Variants in RPH3AL observed in about 807,000 individuals in gnomAD.
The protein encoded by RPH3AL is rabphilin 3A like (without C2 domains), also known as rab effector Noc2.
Under a neutral mutation model 43.1 loss-of-function variants are expected in RPH3AL, and 38 were observed. The observed-to-expected ratio is 0.88, with a 90% CI of 0.68 to 1.15. RPH3AL has a LOEUF of 1.15. Ranked by LOEUF, RPH3AL falls within the 50% of genes most tolerant of loss-of-function variation. RPH3AL has a pLI of 0.00. For synonymous variants in RPH3AL, 189 were observed against 176.3 expected (o/e 1.07, Z -0.57); for missense variants, 462 against 423.2 (o/e 1.09, Z -0.81).
intron 5 of RPH3AL, among the ~76,000 whole-genome samples, chr17:296,928 C>T (rs563554146): frequency 5.3e-5 from 8 of 152,226 alleles, no homozygotes; most frequent in Admixed American, 2.0e-4. Context: ...TTCAAGCATC[C>T]AAGGGGACAA....
intron 7 of RPH3AL, among the ~76,000 whole-genome samples, chr17:236,857 G>T (rs772449201): frequency 6.6e-6 from 1 of 152,272 alleles, no homozygotes; most frequent in African/African-American, 2.4e-5. Flanking sequence ...CTTCCGCCAC[G>T]GGCGGGGCAT....
chr17:233,395 C>G (rs2041276911), intron 7 of RPH3AL, among the ~76,000 whole-genome samples: 1 of 152,166 alleles, frequency 6.6e-6, no homozygotes, highest in Non-Finnish European at 1.5e-5. Flanking sequence ...CTTCCAACGC[C>G]AAGACTGTCC....
chr17:291,495 G>A (rs72806037), intron 5 of RPH3AL, among the ~76,000 whole-genome samples: 8,784 of 152,238 alleles, frequency 0.058, 312 homozygotes, highest in Non-Finnish European at 0.082. Flanking sequence ...TGGGAACCGC[G>A]CTGCAGACGG....
intron 6 of RPH3AL, among the ~76,000 whole-genome samples, chr17:270,412 C>G (rs2151586631): frequency 6.6e-6 from 1 of 152,354 alleles, no homozygotes. Context: ...CCACCAGCGG[C>G]TGGGCTGGCT....
chr17:316,479 C>G (rs1229448027), intron 5 of RPH3AL, among the ~76,000 whole-genome samples: 1 of 131,494 alleles, frequency 7.6e-6, no homozygotes. Flanking sequence ...GTCTCTGTGC[C>G]CCACCTCCAC....
At position 250,582 on chromosome 17, in the gene RPH3AL, TCACTGCGGGACCTCTCAGGGC is replaced by T. The variant is rs1555542149; in HGVS notation, c.439-3318_439-3298del. Among the ~76,000 whole-genome samples the T allele has an allele frequency of 1.1e-4, 8 of 73,948 alleles. 1 individual carries two copies. The highest frequency in any genetic ancestry group is 4.3e-4 in the African/African-American group (8 of 18,784). 48.5% of individuals were successfully genotyped at this position (73,948 alleles called of 152,430 possible). A position where few individuals can be genotyped will look rare whatever the true frequency, so the allele number is the denominator to read the frequency against. ...TTCTCAGAGTCTTTACTAAGCTCTATCACTGCGGGACCTCTCAGGGCCTTTACTAAGCTCCCTCGCTGCGGG... is the reference window on the plus strand; with the variant it reads ...TTCTCAGAGTCTTTACTAAGCTCTATCTTTACTAAGCTCCCTCGCTGCGGG... On this transcript the variant is annotated intron_variant, in intron 6 of 9. Transcript: ENST00000331302.
At chr17:293,865 C>T (rs2043106089) in intron 5 of RPH3AL, among the ~76,000 whole-genome samples, 2 of 151,958 alleles carry the variant, frequency 1.3e-5, no homozygotes, top group South Asian at 2.1e-4. Context: ...CCCGTCTCTA[C>T]TAAAAATACA....
chr17:318,264 C>T (rs1164036380), intron 5 of RPH3AL, among the ~76,000 whole-genome samples: 2 of 152,104 alleles, frequency 1.3e-5, no homozygotes, highest in East Asian at 3.9e-4. Context: ...CACCTGTAAT[C>T]CCAGCTACTC....
intron 7 of RPH3AL, among the ~76,000 whole-genome samples, chr17:220,418 G>C (rs1358455184): frequency 6.8e-5 from 7 of 102,848 alleles, no homozygotes; most frequent in Non-Finnish European, 1.2e-4. Context: ...CAACAGCTCG[G>C]AGGCCTCCAC....
intron 5 of RPH3AL, among the ~76,000 whole-genome samples, chr17:282,421 C>G (rs982178390): frequency 7.2e-5 from 11 of 152,146 alleles, no homozygotes; most frequent in African/African-American, 2.7e-4. Flanking sequence ...AGGATATGCT[C>G]AGGTTCACAT....
intron 2 of RPH3AL, chr17:332,045 C>T: frequency 2.5e-6 from 1 of 404,922 alleles, no homozygotes. Context: ...CTGGGGGGAG[C>T]AGAGGCAGGA....
chr17:281,382 T>C (rs1279445177), intron 6 of RPH3AL, among the ~76,000 whole-genome samples: 3 of 152,122 alleles, frequency 2.0e-5, no homozygotes, highest in African/African-American at 4.8e-5. Flanking sequence ...AAGGAACTTA[T>C]GGCAGTGCCA....
At chr17:299,137 A>G (rs1430694239) in intron 5 of RPH3AL, among the ~76,000 whole-genome samples, 3 of 152,072 alleles carry the variant, frequency 2.0e-5, no homozygotes, top group Non-Finnish European at 4.4e-5. Context: ...ATGCACTGGA[A>G]AGCGAATGAG....
chr17:249,387 T>A (rs1048269026), intron 6 of RPH3AL, among the ~76,000 whole-genome samples: 1 of 152,014 alleles, frequency 6.6e-6, no homozygotes, highest in Non-Finnish European at 1.5e-5. Context: ...GCAGGGCTTA[T>A]CTCACCGGGA....
chr17:333,837 C>T lies in RPH3AL; in HGVS notation c.-115G>A, dbSNP rs1280803209. ...GCTTGCTGTCTCCAAAGTGCACGTA[C>T]AAGTGTCCACTACACAAATTCTGCT... On this transcript the variant is annotated 5_prime_UTR_variant, in exon 2 of 10. Coordinates refer to ENST00000331302, the MANE Select transcript of RPH3AL (RefSeq NM_006987.4). The surrounding 1 kb of genome is among the most constrained non-coding windows in gnomAD (Gnocchi z 4.5). The T allele has an allele frequency of 1.3e-5, 2 of 157,004 alleles. No homozygotes were observed. The highest frequency in any genetic ancestry group is 4.8e-5 in the African/African-American group (2 of 41,520). The allele number at this position is 157,004 out of a possible 1,614,324, so 9.7% of individuals were successfully genotyped here. A position where few individuals can be genotyped will look rare whatever the true frequency, so the allele number is the denominator to read the frequency against.
chr17:283,147 G>A lies in RPH3AL; in HGVS notation c.352-1293C>T, dbSNP rs562332679. 1.4e-5 allele frequency among the ~76,000 whole-genome samples: 2 copies of A among 147,946 alleles called. No individual in the cohort carries two copies. Among genetic ancestry groups the A allele is most frequent in the South Asian group, 2.1e-4 (1 of 4,684 alleles). On this transcript the variant is annotated intron_variant, in intron 5 of 9. Coordinates refer to ENST00000331302, the MANE Select transcript of RPH3AL (RefSeq NM_006987.4). The surrounding 1 kb of genome is among the most constrained non-coding windows in gnomAD (Gnocchi z 4.2). ...CACACGGAAGCCACCCGGTCCCTGCGTGGGTGGGGGCTCTCTGCAGCCCCC... is the reference window on the plus strand; with the variant it reads ...CACACGGAAGCCACCCGGTCCCTGCATGGGTGGGGGCTCTCTGCAGCCCCC...
chr17:259,443 C>G (rs1171129058), intron 6 of RPH3AL, among the ~76,000 whole-genome samples: 1 of 152,188 alleles, frequency 6.6e-6, no homozygotes, highest in Admixed American at 6.5e-5. Context: ...GCCTTAATCA[C>G]GTAACTTCTG....
Position 293,132 on chromosome 17 carries a change from C to T in RPH3AL, c.352-11278G>A, listed in dbSNP as rs558623750. ...AAGAGCCTCTGACATGGCCTGGGGA[C>T]CACCTGCGAGCCTCAGGCCTGTGCC... is the stretch of plus-strand genomic sequence containing the variant. On this transcript the variant is annotated intron_variant, in intron 5 of 9. Coordinates refer to ENST00000331302, the MANE Select transcript of RPH3AL (RefSeq NM_006987.4). Among the ~76,000 whole-genome samples, 4 of 152,220 alleles carry T rather than the reference C, an allele frequency of 2.6e-5. No homozygotes were observed. The South Asian group carries it at 8.3e-4, about 32-fold the overall frequency.
rs574728261 is a variant in RPH3AL, at chr17:352,806, C to G, written c.-307G>C. On this transcript the variant is annotated 5_prime_UTR_variant, in exon 1 of 10. Coordinates refer to ENST00000331302, the MANE Select transcript of RPH3AL (RefSeq NM_006987.4). ...GTTGTCGGGGGTGACCCGAGGTGTT[C>G]CAGATGAGGAGCTGAATCACTGGGA... 6.6e-6 allele frequency: 1 copy of G among 152,340 alleles called. No homozygotes were observed. Among genetic ancestry groups the G allele is most frequent in the African/African-American group, 2.4e-5 (1 of 41,570 alleles). 9.4% of individuals were successfully genotyped at this position (152,340 alleles called of 1,614,324 possible).
Sources: allele counts gnomAD v4.1 joint callset (sites outside exome capture counted in the v4.1 genomes callset), GRCh38; gene constraint gnomAD v4.1.1; non-coding constraint Gnocchi (gnomAD v3.1); transcripts MANE v1.5; gene names NCBI Gene and HGNC (gene_info 2026-07-23, HGNC 2026-07-21).